The following CUL3 variants were observed in gnomAD, a reference collection of about 807,000 sequenced individuals.
CUL3 encodes cullin 3.
CUL3 carries 19 observed loss-of-function variants against 89.1 expected under a neutral mutation model. That is an observed-to-expected ratio of 0.21 (90% CI 0.15 to 0.31). The LOEUF is 0.31. Among genes scored for constraint, CUL3 ranks in the 10% least tolerant of loss-of-function variants. CUL3 has a pLI of 1.00. For synonymous variants in CUL3, 351 were observed against 308.4 expected (o/e 1.14, Z -1.45); for missense variants, 469 against 942.3 (o/e 0.50, Z 6.58).
chr2:224,579,828 C>T (rs1315127614), intron 1 of CUL3, among the ~76,000 whole-genome samples: 2 of 152,178 alleles, frequency 1.3e-5, no homozygotes, highest in Non-Finnish European at 2.9e-5. Flanking sequence ...GAAGGCTAGG[C>T]CAAGAAAGGC....
chr2:224,585,145 G>C lies in CUL3; in HGVS notation c.-136C>G. 2.1e-6 allele frequency: 1 copy of C among 487,634 alleles called. No homozygotes were observed. Among genetic ancestry groups the C allele is most frequent in the South Asian group, 7.5e-5 (1 of 13,342 alleles). 30.2% of individuals were successfully genotyped at this position (487,634 alleles called of 1,614,324 possible). On this transcript the variant is annotated 5_prime_UTR_variant, in exon 1 of 16. Coordinates refer to ENST00000264414, the MANE Select transcript of CUL3 (RefSeq NM_003590.5). ...ACCCCCGGGCAGGGCTGGGGAGCTG[G>C]CCGGCCCCTGGGCAGCCGCGGCGGC...
intron 2 of CUL3, among the ~76,000 whole-genome samples, chr2:224,556,023 ACTG>A (rs1282497850): frequency 1.3e-5 from 2 of 152,008 alleles, no homozygotes; most frequent in South Asian, 4.1e-4. Flanking sequence ...TTAATAAAAA[ACTG>A]CTGATTGTGT....
chr2:224,504,771 C>T lies in CUL3; in HGVS notation c.1207-949G>A, dbSNP rs372014822. On this transcript the variant is annotated intron_variant, in intron 8 of 15. Transcript: ENST00000264414. ...CAGCTACTGCCTGTAAAACCTGTGA[C>T]GACATGTTGCTTTTCCCTTTGGTGT... 1.2e-4 allele frequency among the ~76,000 whole-genome samples: 19 copies of T among 152,256 alleles called. No individual in the cohort carries two copies. The East Asian group carries it at 2.3e-3, about 19-fold the overall frequency.
chr2:224,551,756 G>A (rs983947230), intron 2 of CUL3, among the ~76,000 whole-genome samples: 2 of 152,158 alleles, frequency 1.3e-5, no homozygotes, highest in Admixed American at 1.3e-4. Context: ...CTGTGCCTGA[G>A]AATGTATGGC....
At chr2:224,525,481 G>A (rs1198700628) in intron 3 of CUL3, among the ~76,000 whole-genome samples, 1 of 152,174 alleles carries the variant, frequency 6.6e-6, no homozygotes, top group Non-Finnish European at 1.5e-5. Context: ...ATGTGGCACA[G>A]TGATACAGGT....
chr2:224,530,677 C>G (rs557474739), intron 3 of CUL3, among the ~76,000 whole-genome samples: 1 of 152,126 alleles, frequency 6.6e-6, no homozygotes, highest in African/African-American at 2.4e-5. Flanking sequence ...GAGGCTGAGG[C>G]GGGTAGATCA....
intron 1 of CUL3, among the ~76,000 whole-genome samples, chr2:224,576,979 C>A (rs1695315921): frequency 6.6e-6 from 1 of 152,176 alleles, no homozygotes; most frequent in Non-Finnish European, 1.5e-5. Context: ...GAACGATTCA[C>A]AAACTGGCTC....
intron 11 of CUL3, chr2:224,500,091 CTT>C (rs1692321266): frequency 6.8e-6 from 2 of 294,272 alleles, no homozygotes; most frequent in South Asian, 8.6e-5. Flanking sequence ...TTTACTTTCT[CTT>C]TTTCCATTTT....
Position 224,570,546 on chromosome 2 carries a change from T to A in CUL3, c.67-12690A>T, listed in dbSNP as rs539698391. On this transcript the variant is annotated intron_variant, in intron 1 of 15. Coordinates refer to ENST00000264414, the MANE Select transcript of CUL3 (RefSeq NM_003590.5). ...CCTTGATTAGTGACTTAAAACTGAA[T>A]GTAAAAACTACTGATGTTTGGTTAA... Among the ~76,000 whole-genome samples the A allele has an allele frequency of 5.9e-4, 90 of 152,216 alleles. 2 individuals carry two copies. The highest frequency in any genetic ancestry group is 2.0e-3 in the African/African-American group (84 of 41,528).
intron 13 of CUL3, among the ~76,000 whole-genome samples, chr2:224,489,614 T>G (rs553768198): frequency 6.6e-6 from 1 of 152,262 alleles, no homozygotes; most frequent in Non-Finnish European, 1.5e-5. Context: ...TGCTCATGGA[T>G]AGGAAGAATC....
In CUL3 at chr2:224,481,660, A is replaced by G. The variant is rs11884815; in HGVS notation, c.2029+232T>C. ...TGTATTCTATTTATTGAAAAACATGAAAAGAAATACTTTGTTCACACTATA... is the reference window on the plus strand; with the variant it reads ...TGTATTCTATTTATTGAAAAACATGGAAAGAAATACTTTGTTCACACTATA... On this transcript the variant is annotated intron_variant, in intron 14 of 15. Transcript: ENST00000264414. 0.18 allele frequency among the ~76,000 whole-genome samples: 28,098 copies of G among 152,048 alleles called. 2,944 individuals carry two copies. The highest frequency in any genetic ancestry group is 0.27 in the South Asian group (1,303 of 4,820).
At chr2:224,524,533 T>C (rs1693394179) in intron 3 of CUL3, among the ~76,000 whole-genome samples, 1 of 152,174 alleles carries the variant, frequency 6.6e-6, no homozygotes, top group African/African-American at 2.4e-5. Flanking sequence ...CACCTCAGGC[T>C]TTCTTTCAGT....
At chr2:224,527,381 CTA>C (rs777145985) in intron 3 of CUL3, among the ~76,000 whole-genome samples, 17 of 152,032 alleles carry the variant, frequency 1.1e-4, no homozygotes, top group Non-Finnish European at 2.4e-4. Flanking sequence ...TCCATCATCT[CTA>C]TGTTCTTATC....
intron 15 of CUL3, 112 bp downstream of exon 15, chr2:224,478,088 A>G: frequency 2.7e-6 from 3 of 1,095,330 alleles, no homozygotes; most frequent in East Asian, 2.6e-5. Flanking sequence ...TAAGTGTTAC[A>G]TCACTAGGAT....
intron 2 of CUL3, among the ~76,000 whole-genome samples, chr2:224,538,862 G>A (rs112853325): frequency 3.9e-5 from 6 of 152,122 alleles, no homozygotes; most frequent in Non-Finnish European, 5.9e-5. Flanking sequence ...AGAGTCACCC[G>A]AAGAGCTTTT....
chr2:224,471,900 G>A lies in CUL3; in HGVS notation c.*2345C>T, dbSNP rs1419117499. The A allele has an allele frequency of 4.8e-5, 11 of 230,600 alleles. No homozygotes were observed. The highest frequency in any genetic ancestry group is 8.6e-6 in the Non-Finnish European group (1 of 116,576). 14.3% of individuals were successfully genotyped at this position (230,600 alleles called of 1,614,324 possible). A position where few individuals can be genotyped will look rare whatever the true frequency, so the allele number is the denominator to read the frequency against. ...TCTAATAAATCACCAAAATTTCTCTGCACCAACAGGATGGAATGGTTAGGA... is the reference window on the plus strand; with the variant it reads ...TCTAATAAATCACCAAAATTTCTCTACACCAACAGGATGGAATGGTTAGGA... On this transcript the variant is annotated 3_prime_UTR_variant, in exon 16 of 16. Transcript: ENST00000264414.
chr2:224,526,128 C>G (rs550171199), intron 3 of CUL3, among the ~76,000 whole-genome samples: 1 of 152,132 alleles, frequency 6.6e-6, no homozygotes, highest in African/African-American at 2.4e-5. Context: ...GATAAGAAAA[C>G]AAGAGTCTTG....
At chr2:224,582,523 A>T (rs1352820483) in intron 1 of CUL3, among the ~76,000 whole-genome samples, 1 of 152,254 alleles carries the variant, frequency 6.6e-6, no homozygotes, top group Non-Finnish European at 1.5e-5. Flanking sequence ...AACAGTAATG[A>T]AAAATTCTTT....
Position 224,584,932 on chromosome 2 carries a change from GGAGA to G in CUL3, c.66+8_66+11del. ...CCGGCCCCGGGGTCCCGGACGCCGAGGAGAGACTCACCGGAAAGGCCCGGATCCG... is the reference window on the plus strand; with the variant it reads ...CCGGCCCCGGGGTCCCGGACGCCGAGGACTCACCGGAAAGGCCCGGATCCG... On this transcript the variant is annotated splice_region_variant and intron_variant, in intron 1 of 15. Transcript: ENST00000264414. The G allele has an allele frequency of 1.4e-6, 2 of 1,474,758 alleles. No individual in the cohort carries two copies. The highest frequency in any genetic ancestry group is 2.9e-5 in the East Asian group (1 of 34,084). 91.4% of individuals were successfully genotyped at this position (1,474,758 alleles called of 1,614,324 possible).
Sources: allele counts gnomAD v4.1 joint callset (sites outside exome capture counted in the v4.1 genomes callset), GRCh38; gene constraint gnomAD v4.1.1; transcripts MANE v1.5; gene names NCBI Gene and HGNC (gene_info 2026-07-23, HGNC 2026-07-21).